Variants in NSMCE2 observed in about 807,000 individuals in gnomAD.
NSMCE2 encodes the protein E3 SUMO-protein ligase NSE2.
In NSMCE2, 24 loss-of-function variants were observed where a neutral mutation model predicts 23.8. The ratio of observed to expected loss-of-function variants is 1.01; its 90% CI spans 0.73 to 1.42. The LOEUF (loss-of-function observed/expected upper bound fraction) is 1.42, where lower values mean the gene tolerates loss of function less well. Among genes scored for constraint, NSMCE2 ranks in the 40% most tolerant of loss-of-function variants. The pLI is 0.00. For missense variants in NSMCE2, 284 were observed against 296.5 expected, an observed-to-expected ratio of 0.96 and a Z score of 0.31; for synonymous variants, 92 against 94.1, an observed-to-expected ratio of 0.98 and a Z score of 0.13.
chr8:125,165,664 A>G (rs1006472125), intron 4 of NSMCE2, among the ~76,000 whole-genome samples: 1 of 152,240 alleles, frequency 6.6e-6, no homozygotes, highest in African/African-American at 2.4e-5. Flanking sequence ...TCAAAATTAT[A>G]TACATTATCT....
At chr8:125,246,314 G>A (rs1392053355) in intron 5 of NSMCE2, among the ~76,000 whole-genome samples, 2 of 151,680 alleles carry the variant, frequency 1.3e-5, no homozygotes, top group Admixed American at 6.6e-5. Flanking sequence ...CTCCTGAGTA[G>A]CTGGGATTAC....
At chr8:125,169,785 A>G (rs1403004553) in intron 4 of NSMCE2, among the ~76,000 whole-genome samples, 1 of 151,360 alleles carries the variant, frequency 6.6e-6, no homozygotes, top group Non-Finnish European at 1.5e-5. Context: ...TTTCCTTGTT[A>G]CTTTCAGCTT....
intron 5 of NSMCE2, among the ~76,000 whole-genome samples, chr8:125,321,303 T>C (rs2131269378): frequency 6.6e-6 from 1 of 152,320 alleles, no homozygotes; most frequent in African/African-American, 2.4e-5. Flanking sequence ...ATTGAGTTTT[T>C]CAAGCAAAAA....
chr8:125,121,185 T>C (rs1392861572), intron 3 of NSMCE2, among the ~76,000 whole-genome samples: 1 of 152,186 alleles, frequency 6.6e-6, no homozygotes. Flanking sequence ...TGAGAAGTTA[T>C]AGGTAGCGTG....
At chr8:125,199,811 A>G (rs900267823) in intron 5 of NSMCE2, among the ~76,000 whole-genome samples, 2 of 152,140 alleles carry the variant, frequency 1.3e-5, no homozygotes, top group South Asian at 4.2e-4. Flanking sequence ...GTGGGAGTCT[A>G]AGTCTCTTTG....
At chr8:125,269,021 C>T (rs1204271309) in intron 5 of NSMCE2, among the ~76,000 whole-genome samples, 2 of 152,072 alleles carry the variant, frequency 1.3e-5, no homozygotes, top group East Asian at 1.9e-4. Context: ...AAAATATGAA[C>T]TCATGCATAG....
intron 7 of NSMCE2, among the ~76,000 whole-genome samples, chr8:125,363,614 A>G (rs1586824166): frequency 1.9e-5 from 2 of 103,114 alleles, no homozygotes; most frequent in African/African-American, 3.8e-5. Flanking sequence ...GAGGAGGGGG[A>G]GGGAAGGAAA....
At chr8:125,180,723 G>T (rs548527589) in intron 4 of NSMCE2, among the ~76,000 whole-genome samples, 1 of 152,138 alleles carries the variant, frequency 6.6e-6, no homozygotes, top group Non-Finnish European at 1.5e-5. Context: ...TGTGAAACTG[G>T]GGGGAGGAGA....
intron 5 of NSMCE2, among the ~76,000 whole-genome samples, chr8:125,191,191 C>G (rs898103925): frequency 2.6e-5 from 4 of 152,076 alleles, no homozygotes; most frequent in Non-Finnish European, 5.9e-5. Flanking sequence ...ATTATTATTT[C>G]TTTCTTTCAG....
chr8:125,318,791 CA>C (rs1586761421), intron 5 of NSMCE2, among the ~76,000 whole-genome samples: 1 of 152,130 alleles, frequency 6.6e-6, no homozygotes, highest in South Asian at 2.1e-4. Context: ...ATGCTTGTTC[CA>C]GCTTACTATT....
chr8:125,243,831 GA>G (rs1825854837), intron 5 of NSMCE2, among the ~76,000 whole-genome samples: 1 of 152,120 alleles, frequency 6.6e-6, no homozygotes, highest in Non-Finnish European at 1.5e-5. Flanking sequence ...CATTAGAGGG[GA>G]AAAGCCTCAA....
chr8:125,212,227 A>G (rs983666461), intron 5 of NSMCE2, among the ~76,000 whole-genome samples: 6 of 152,142 alleles, frequency 3.9e-5, no homozygotes. Flanking sequence ...AGCAAGGCGA[A>G]CACATATTCA....
At chr8:125,230,256 CATTCTT>C (rs935608447) in intron 5 of NSMCE2, among the ~76,000 whole-genome samples, 43 of 152,046 alleles carry the variant, frequency 2.8e-4, no homozygotes, top group Non-Finnish European at 4.3e-4. Flanking sequence ...TTCAAAATGT[CATTCTT>C]ATTTCCTCCT....
At position 125,127,462 on chromosome 8, in the gene NSMCE2, A is replaced by G. The variant is rs191684460; in HGVS notation, c.158-23709A>G. Among the ~76,000 whole-genome samples, 436 of 152,298 alleles carry G rather than the reference A, an allele frequency of 2.9e-3. 1 individual carries two copies. The highest frequency in any genetic ancestry group is 4.7e-3 in the Non-Finnish European group (320 of 68,006). On this transcript the variant is annotated intron_variant, in intron 3 of 7. Coordinates refer to ENST00000287437, the MANE Select transcript of NSMCE2 (RefSeq NM_173685.4). ...TTTAGAAAAATTAGTATGGGATTTCATTTCAAGCAAAAAAAGATGAGTGCT... is the reference window on the plus strand; with the variant it reads ...TTTAGAAAAATTAGTATGGGATTTCGTTTCAAGCAAAAAAAGATGAGTGCT...
chr8:125,222,938 T>C (rs1445880749), intron 5 of NSMCE2, among the ~76,000 whole-genome samples: 2 of 152,056 alleles, frequency 1.3e-5, no homozygotes, highest in African/African-American at 4.8e-5. Context: ...GGTGTGTGCC[T>C]GTATTCCCAG....
intron 5 of NSMCE2, among the ~76,000 whole-genome samples, chr8:125,341,724 C>A (rs1436134512): frequency 6.6e-6 from 1 of 152,018 alleles, no homozygotes; most frequent in African/African-American, 2.4e-5. Flanking sequence ...ACTTAACCTA[C>A]CCTCCCGAAG....
chr8:125,286,316 T>G (rs535916792), intron 5 of NSMCE2, among the ~76,000 whole-genome samples: 2 of 38,272 alleles, frequency 5.2e-5, no homozygotes, highest in Non-Finnish European at 1.1e-4. Context: ...CTTTTATTTA[T>G]TTTTTTTTTT....
intron 5 of NSMCE2, among the ~76,000 whole-genome samples, chr8:125,254,378 C>T (rs1586675692): frequency 1.3e-5 from 2 of 152,136 alleles, no homozygotes; most frequent in South Asian, 2.1e-4. Context: ...TAGCTGTAAA[C>T]GGGACCCAAT....
At chr8:125,352,376 T>C (rs1813073734) in intron 5 of NSMCE2, among the ~76,000 whole-genome samples, 1 of 150,670 alleles carries the variant, frequency 6.6e-6, no homozygotes, top group African/African-American at 2.4e-5. Context: ...CTCGGGAGGC[T>C]GAGGCAGGAG....
Sources: gnomAD v4.1 joint callset for allele counts (sites outside exome capture counted in the v4.1 genomes callset) on GRCh38, gnomAD v4.1.1 for gene constraint, MANE v1.5 for transcripts, NCBI Gene and HGNC (gene_info 2026-07-23, HGNC 2026-07-21) for gene names.